FBXW11: variants seen among roughly 807,000 people sequenced by gnomAD.
FBXW11 encodes F-box/WD repeat-containing protein 11.
Under a neutral mutation model 77.6 loss-of-function variants are expected in FBXW11, and 19 were observed. The observed-to-expected ratio is 0.24, with a 90% CI of 0.17 to 0.36. FBXW11 has a LOEUF of 0.36. Ranked by LOEUF, FBXW11 falls within the 10% of genes least tolerant of loss-of-function variation. The pLI, the probability that FBXW11 is intolerant of heterozygous loss-of-function variation, is 1.00. For missense variants in FBXW11, 334 were observed against 704.2 expected, an observed-to-expected ratio of 0.47 and a Z score of 5.95; for synonymous variants, 235 against 249.4, an observed-to-expected ratio of 0.94 and a Z score of 0.54.
intron 2 of FBXW11, among the ~76,000 whole-genome samples, chr5:171,922,628 T>C (rs939852761): frequency 3.9e-5 from 6 of 152,186 alleles, no homozygotes; most frequent in African/African-American, 1.4e-4. Flanking sequence ...CACTAAAATA[T>C]AGGAATATAC....
chr5:171,931,193 T>TA (rs1762173497), intron 2 of FBXW11, among the ~76,000 whole-genome samples: 1 of 151,780 alleles, frequency 6.6e-6, no homozygotes, highest in African/African-American at 2.4e-5. Context: ...ATGGAGAGGC[T>TA]AAAAAAAATA....
intron 13 of FBXW11, among the ~76,000 whole-genome samples, chr5:171,864,952 A>G (rs183383741): frequency 3.4e-5 from 5 of 146,762 alleles, no homozygotes; most frequent in Non-Finnish European, 6.0e-5. Context: ...GTCTAAAGTC[A>G]CCTTAGGTGG....
chr5:171,982,761 AG>A (rs1231838358), intron 1 of FBXW11, among the ~76,000 whole-genome samples: 2 of 152,054 alleles, frequency 1.3e-5, no homozygotes, highest in Admixed American at 1.3e-4. Flanking sequence ...ATGTTAGGTA[AG>A]TTAGGCCTCA....
chr5:171,929,070 T>TA (rs1182077586), intron 2 of FBXW11, among the ~76,000 whole-genome samples: 97 of 147,368 alleles, frequency 6.6e-4, no homozygotes, highest in African/African-American at 1.6e-3. Flanking sequence ...AAGCTCCATC[T>TA]AAAAAAAAAA....
intron 2 of FBXW11, among the ~76,000 whole-genome samples, chr5:171,922,831 G>T (rs1025279641): frequency 1.1e-4 from 17 of 152,236 alleles, no homozygotes; most frequent in Non-Finnish European, 2.2e-4. Flanking sequence ...GACAAGAAAT[G>T]ATACCAAAAA....
rs1759996196 is a variant in FBXW11, at chr5:171,899,827, T to C, written c.623+87A>G. 1.1e-5 allele frequency: 13 copies of C among 1,203,366 alleles called. No individual in the cohort carries two copies. The South Asian group carries it at 2.2e-4, about 20-fold the overall frequency. 74.5% of individuals were successfully genotyped at this position (1,203,366 alleles called of 1,614,324 possible). Reference sequence around the variant, plus strand: ...CCTTTTTAAAAATAGGCCAGCACATTTGCAAGTATAATTGCATTTTTGAGT... The same window carrying C: ...CCTTTTTAAAAATAGGCCAGCACATCTGCAAGTATAATTGCATTTTTGAGT... On this transcript the variant is annotated intron_variant, in intron 5 of 13. Transcript: ENST00000517395.
chr5:171,896,466 G>T (rs773659897), intron 6 of FBXW11, among the ~76,000 whole-genome samples: 1 of 151,932 alleles, frequency 6.6e-6, no homozygotes, highest in Non-Finnish European at 1.5e-5. Context: ...TTTTTTCAAC[G>T]AACAGTCAAG....
At chr5:171,965,925 G>A (rs1764163046) in intron 1 of FBXW11, among the ~76,000 whole-genome samples, 1 of 152,094 alleles carries the variant, frequency 6.6e-6, no homozygotes, top group Non-Finnish European at 1.5e-5. Context: ...CTGTTCTCGC[G>A]ATAGTGAGTT....
At chr5:171,926,499 A>T (rs839270) in intron 2 of FBXW11, among the ~76,000 whole-genome samples, 131,275 of 152,158 alleles carry the variant, frequency 0.86, 57,872 homozygotes, top group East Asian at 1. Context: ...TTTAACACCA[A>T]CCCCCTTGGT....
chr5:171,893,888 G>C (rs1759557683), intron 6 of FBXW11, among the ~76,000 whole-genome samples: 1 of 151,976 alleles, frequency 6.6e-6, no homozygotes, highest in African/African-American at 2.4e-5. Flanking sequence ...GCAGTAAGTA[G>C]CTTTGTTATG....
At position 171,957,646 on chromosome 5, in the gene FBXW11, A is replaced by G; in HGVS notation, c.98T>C (p.Met33Thr). Residue 33 changes from methionine to threonine, a missense_variant, in exon 2 of 14, where the codon ATG becomes ACG. Physicochemically the swap from Met to Thr is moderately conservative, Grantham distance 81. Coordinates refer to ENST00000517395, the MANE Select transcript of FBXW11 (RefSeq NM_001378974.1). Reference protein sequence around the residue: ...WLGCANLVESMCALSCLQSMP... With the variant: ...WLGCANLVESTCALSCLQSMP... ...GCTCTGCAGGCAACTCAGTGCGCAC[A>G]TGCTCTCTACCAGGTTGGCGCAGCC... 6.2e-7 allele frequency: 1 copy of G among 1,614,206 alleles called. No homozygotes were observed. The highest frequency in any genetic ancestry group is 8.5e-7 in the Non-Finnish European group (1 of 1,180,026).
chr5:171,950,558 T>G (rs1333432766), intron 2 of FBXW11, among the ~76,000 whole-genome samples: 1 of 152,088 alleles, frequency 6.6e-6, no homozygotes, highest in Non-Finnish European at 1.5e-5. Flanking sequence ...GACCCCGTAT[T>G]GTGATTTTTC....
intron 7 of FBXW11, among the ~76,000 whole-genome samples, chr5:171,884,392 G>A (rs1295930035): frequency 6.6e-6 from 1 of 152,128 alleles, no homozygotes; most frequent in Admixed American, 6.5e-5. Flanking sequence ...CTGTTCCATT[G>A]GTCTATATCC....
intron 7 of FBXW11, among the ~76,000 whole-genome samples, chr5:171,883,963 T>C (rs571345065): frequency 2.0e-5 from 3 of 152,350 alleles, no homozygotes; most frequent in African/African-American, 7.2e-5. Flanking sequence ...GATGTATAGA[T>C]TGTGAAGATT....
chr5:171,916,240 T>TA (rs557784123), intron 2 of FBXW11, among the ~76,000 whole-genome samples: 2,937 of 98,464 alleles, frequency 0.03, 42 homozygotes, highest in Admixed American at 0.046. Flanking sequence ...AAGTATAATT[T>TA]AAAAAAAAAA....
chr5:171,893,437 A>AAAAAAAAC (rs1561656955), intron 6 of FBXW11, among the ~76,000 whole-genome samples: 2 of 146,894 alleles, frequency 1.4e-5, no homozygotes, highest in Non-Finnish European at 3.0e-5. Flanking sequence ...AAAAAAAAAA[A>AAAAAAAAC]AAAAAAAAAA....
intron 1 of FBXW11, among the ~76,000 whole-genome samples, chr5:171,993,911 T>C (rs147952615): frequency 1.2e-4 from 18 of 152,286 alleles, no homozygotes; most frequent in African/African-American, 3.6e-4. Flanking sequence ...CTCTACCATA[T>C]TGAACAGTGC....
chr5:171,996,158 C>T (rs1026660557), intron 1 of FBXW11, among the ~76,000 whole-genome samples: 17 of 152,190 alleles, frequency 1.1e-4, no homozygotes, highest in African/African-American at 3.6e-4. Context: ...CTCCCCAAGA[C>T]GACCTGCCAA....
intron 7 of FBXW11, among the ~76,000 whole-genome samples, chr5:171,885,677 G>A (rs140905722): frequency 9.2e-5 from 14 of 152,190 alleles, no homozygotes; most frequent in African/African-American, 3.4e-4. Flanking sequence ...ATATTTAATG[G>A]GAGATGAGAA....
Sources: gnomAD v4.1 joint callset for allele counts (sites outside exome capture counted in the v4.1 genomes callset) on GRCh38, gnomAD v4.1.1 for gene constraint, MANE v1.5 for transcripts, NCBI Gene and HGNC (gene_info 2026-07-23, HGNC 2026-07-21) for gene names.